Variants in MAP1B observed in about 807,000 individuals in gnomAD.
MAP1B encodes the protein microtubule associated protein 1B.
MAP1B carries 12 observed loss-of-function variants against 176.1 expected under a neutral mutation model. The observed-to-expected ratio is 0.07, with a 90% CI of 0.04 to 0.11. The LOEUF (loss-of-function observed/expected upper bound fraction) is 0.11, where lower values mean the gene tolerates loss of function less well. Among genes scored for constraint, MAP1B ranks in the 10% least tolerant of loss-of-function variants. MAP1B has a pLI of 1.00. For synonymous variants in MAP1B, 1,044 were observed against 1,135.0 expected, an observed-to-expected ratio of 0.92 and a Z score of 1.61; for missense variants, 2,523 against 2,990.5, an observed-to-expected ratio of 0.84 and a Z score of 3.65.
At chr5:72,129,029 A>T (rs1436890996) in intron 2 of MAP1B, among the ~76,000 whole-genome samples, 1 of 152,218 alleles carries the variant, frequency 6.6e-6, no homozygotes, top group Non-Finnish European at 1.5e-5. Flanking sequence ...AAACACAAGA[A>T]TCCAACCAAA....
chr5:72,164,195 T>A (rs1304438231), intron 2 of MAP1B, among the ~76,000 whole-genome samples: 1 of 152,114 alleles, frequency 6.6e-6, no homozygotes, highest in Non-Finnish European at 1.5e-5. Flanking sequence ...CCTCTCAAAC[T>A]GCTGGGATTA....
At chr5:72,202,671 A>G (rs1747357545) in intron 5 of MAP1B, among the ~76,000 whole-genome samples, 1 of 152,186 alleles carries the variant, frequency 6.6e-6, no homozygotes, top group South Asian at 2.1e-4. Flanking sequence ...GACTCTAGAG[A>G]ATGAGGCCTG....
intron 5 of MAP1B, 98 bp downstream of exon 5, chr5:72,200,465 G>C: frequency 7.0e-7 from 1 of 1,428,950 alleles, no homozygotes. Context: ...CTGGGAAGAT[G>C]AGGGAGCACA....
In MAP1B at chr5:72,199,044, C is replaced by G; in HGVS notation, c.5689C>G (p.Arg1897Gly). The stretch of plus-strand genomic sequence containing the variant: ...CTATGAGTCTTATGAGAAGACCACC[C>G]GGACCTCAGATGTGGGTGGCTATTA... ...YDYESYEKTT[R>G]TSDVGGYYYE... Residue 1897 changes from arginine (R) to glycine (G), a missense_variant, in exon 5 of 7, where the codon CGG becomes GGG. By Grantham distance (125) the Arg-to-Gly change is moderately radical. This residue lies in a region of MAP1B where 1,925 missense variants were observed against 2,126.0 expected (regional missense o/e 0.91). Transcript: ENST00000296755. The surrounding 1 kb of genome is among the most constrained non-coding windows in gnomAD (Gnocchi z 4.2). 2 of 1,614,100 alleles carry G rather than the reference C, an allele frequency of 1.2e-6. No homozygotes were observed. The highest frequency in any genetic ancestry group is 1.1e-5 in the South Asian group (1 of 91,072).
intron 2 of MAP1B, among the ~76,000 whole-genome samples, chr5:72,180,435 A>G (rs1449507829): frequency 6.6e-6 from 1 of 152,220 alleles, no homozygotes; most frequent in East Asian, 1.9e-4. Flanking sequence ...GGAAAGACCT[A>G]GAAAGAGGAT....
chr5:72,175,547 A>G (rs1746636219), intron 2 of MAP1B, among the ~76,000 whole-genome samples: 1 of 152,222 alleles, frequency 6.6e-6, no homozygotes, highest in African/African-American at 2.4e-5. Context: ...AAACAGAGAA[A>G]AAGGGAGCAA....
intron 1 of MAP1B, among the ~76,000 whole-genome samples, chr5:72,109,777 T>C (rs532545353): frequency 1.4e-4 from 21 of 152,238 alleles, no homozygotes; most frequent in Non-Finnish European, 2.9e-4. Context: ...GAGGAAGGTT[T>C]CAGTACAACA....
rs758002577 is a variant in MAP1B, at chr5:72,199,326, T to C, written c.5971T>C (p.Tyr1991His). ...RRLLDDISNG[Y>H]DDSEDGGHTL... ...GCTTCTGGATGACATCAGCAATGGC[T>C]ATGATGACTCTGAGGATGGTGGCCA... Residue 1991 changes from tyrosine to histidine, a missense_variant, in exon 5 of 7, where the codon TAT becomes CAT. Tyr to His is a moderately conservative substitution (Grantham distance 83). Coordinates refer to ENST00000296755, the MANE Select transcript of MAP1B (RefSeq NM_005909.5). This position sits in a 1 kb window ranked among gnomAD's most constrained non-coding sequence, Gnocchi z 4.2. 6.2e-7 allele frequency: 1 copy of C among 1,614,156 alleles called. No homozygotes were observed. Among genetic ancestry groups the C allele is most frequent in the African/African-American group, 1.3e-5 (1 of 75,042 alleles).
At chr5:72,159,632 T>G (rs1746293605) in intron 2 of MAP1B, among the ~76,000 whole-genome samples, 1 of 152,240 alleles carries the variant, frequency 6.6e-6, no homozygotes, top group African/African-American at 2.4e-5. Flanking sequence ...AAGAAGTGCC[T>G]TCTAGAATCT....
chr5:72,120,874 G>T (rs185560085), intron 2 of MAP1B, among the ~76,000 whole-genome samples: 1 of 152,324 alleles, frequency 6.6e-6, no homozygotes, highest in South Asian at 2.1e-4. Context: ...GTTATTATCC[G>T]TGGGAAATAC....
rs1036234009 is a variant in MAP1B, at chr5:72,134,003, A to G, written c.286+18204A>G. Among the ~76,000 whole-genome samples the G allele has an allele frequency of 2.0e-5, 3 of 152,220 alleles. No individual in the cohort carries two copies. In the South Asian group the frequency reaches 6.2e-4, roughly 32 times the overall value. The stretch of plus-strand genomic sequence containing the variant: ...GATATTGTGGAAAATCCCTTCCTGC[A>G]ACCTCCAGCTTCCGCCAAAAGTGTC... On this transcript the variant is annotated intron_variant, in intron 2 of 6. Coordinates refer to ENST00000296755, the MANE Select transcript of MAP1B (RefSeq NM_005909.5).
rs183960902 is a variant in MAP1B, at chr5:72,196,832, C to T, written c.3477C>T (p.Phe1159=). 64 of 1,614,050 alleles carry T rather than the reference C, an allele frequency of 4.0e-5. No homozygotes were observed. Among genetic ancestry groups the T allele is most frequent in the East Asian group, 1.6e-4 (7 of 44,884 alleles). Residue 1159 remains phenylalanine (F), a synonymous_variant, in exon 5 of 7, where the codon TTC becomes TTT. Transcript: ENST00000296755. The surrounding 1 kb of genome is among the most constrained non-coding windows in gnomAD (Gnocchi z 5.3). ...AGACGGAGTCCCCTTCTCAGGAATT[C>T]GTAAATATCACCAAATATGAATCTT... ...NEETESPSQE[F]VNITKYESSL... is the part of the protein sequence containing the mutation.
chr5:72,179,990 GAA>G, intron 2 of MAP1B: 1 of 951,702 alleles, frequency 1.1e-6, no homozygotes. Context: ...TGGATGGTAA[GAA>G]GGCTCCTGCC....
At chr5:72,193,086 A>C (rs555539957) in intron 4 of MAP1B, among the ~76,000 whole-genome samples, 1 of 152,316 alleles carries the variant, frequency 6.6e-6, no homozygotes, top group African/African-American at 2.4e-5. Flanking sequence ...ACTTGGCCAA[A>C]CCACTTTAAT....
At chr5:72,111,928 G>C (rs890527246) in intron 1 of MAP1B, among the ~76,000 whole-genome samples, 5 of 151,848 alleles carry the variant, frequency 3.3e-5, no homozygotes, top group African/African-American at 1.2e-4. Context: ...ACATACATAT[G>C]TTATGAACAT....
chr5:72,179,287 G>C (rs1242647481), intron 2 of MAP1B, among the ~76,000 whole-genome samples: 3 of 152,196 alleles, frequency 2.0e-5, no homozygotes, highest in African/African-American at 7.2e-5. Context: ...CCGATGCCGG[G>C]GAAAGTTAAC....
At chr5:72,163,706 G>T (rs76898883) in intron 2 of MAP1B, among the ~76,000 whole-genome samples, 1,709 of 152,192 alleles carry the variant, frequency 0.011, 32 homozygotes, top group African/African-American at 0.039. Flanking sequence ...TTTGGGGAGG[G>T]TGAATGTGTG....
chr5:72,199,901 C>A lies in MAP1B; in HGVS notation c.6546C>A (p.Asp2182Glu). The A allele has an allele frequency of 1.9e-6, 3 of 1,614,124 alleles. No individual in the cohort carries two copies. Among genetic ancestry groups the A allele is most frequent in the Non-Finnish European group, 2.5e-6 (3 of 1,180,022 alleles). ...CCGATGCCAATATCGACTCTGAAGACGAGTCGGAAACCATCCCCACAGACA... is the reference window on the plus strand; with the variant it reads ...CCGATGCCAATATCGACTCTGAAGAAGAGTCGGAAACCATCCCCACAGACA... ...ITADANIDSE[D>E]ESETIPTDKT... is the part of the protein sequence containing the mutation. The change falls in exon 5 of 7, where the codon GAC (aspartate) becomes GAA (glutamate). Residue 2182 changes from aspartate to glutamate, a missense_variant. Transcript: ENST00000296755. This position sits in a 1 kb window ranked among gnomAD's most constrained non-coding sequence, Gnocchi z 4.2.
intron 2 of MAP1B, among the ~76,000 whole-genome samples, chr5:72,180,897 C>T (rs1281257447): frequency 1.3e-5 from 2 of 152,156 alleles, no homozygotes; most frequent in Admixed American, 6.5e-5. Flanking sequence ...TCTGTTTTAA[C>T]AAATTTTAGT....
Sources: allele counts gnomAD v4.1 joint callset (sites outside exome capture counted in the v4.1 genomes callset), GRCh38; gene constraint gnomAD v4.1.1; regional missense constraint gnomAD v4.1.1; non-coding constraint Gnocchi (gnomAD v3.1); transcripts MANE v1.5; gene names NCBI Gene and HGNC (gene_info 2026-07-23, HGNC 2026-07-21).